Variants in NTS observed in about 807,000 individuals in gnomAD.
The protein encoded by NTS is neurotensin, also known as neurotensin/neuromedin N.
NTS carries 20 observed loss-of-function variants against 19.5 expected under a neutral mutation model. That is an observed-to-expected ratio of 1.02 (90% confidence interval 0.72 to 1.49). The LOEUF (loss-of-function observed/expected upper bound fraction) is 1.49. NTS is among the 40% of genes most tolerant of loss of function. The pLI is 0.00. For synonymous variants in NTS, 71 were observed against 63.3 expected (o/e 1.12, Z -0.58); for missense variants, 215 against 193.1 (o/e 1.11, Z -0.67).
rs779179865 is a variant in NTS, at chr12:85,878,358, A to T, written c.149A>T (p.His50Leu). ...NMHTSKISKA[H>L]VPSWKMTLLN... ...AATATATTTCAGATTAGTAAAGCAC[A>T]TGTTCCCTCTTGGAAGATGACTCTG... is the stretch of plus-strand genomic sequence containing the variant. Residue 50 changes from histidine to leucine, a missense_variant, in exon 3 of 4, where the codon CAT becomes CTT. His to Leu is a moderately conservative substitution (Grantham distance 99, BLOSUM62 -3). Coordinates refer to ENST00000256010, the MANE Select transcript of NTS (RefSeq NM_006183.5). The T allele has an allele frequency of 6.9e-6, 11 of 1,603,480 alleles. No homozygotes were observed. In the East Asian group the frequency reaches 2.5e-4, roughly 36 times the overall value.
In NTS at chr12:85,879,463, G is replaced by A. The variant is rs185263198; in HGVS notation, c.360+894G>A. Among the ~76,000 whole-genome samples, 4 of 29,102 alleles carry A rather than the reference G, an allele frequency of 1.4e-4. 1 individual carries two copies. In the East Asian group the frequency reaches 2.3e-3, roughly 16 times the overall value. The allele number at this position is 29,102 out of a possible 152,430, so 19.1% of individuals were successfully genotyped here. ...AAAATATATTTTATGTATATTTTATGTATATTTTATGTATATTTTATGTAT... is the reference window on the plus strand; with the variant it reads ...AAAATATATTTTATGTATATTTTATATATATTTTATGTATATTTTATGTAT... On this transcript the variant is annotated intron_variant, in intron 3 of 3. Coordinates refer to ENST00000256010, the MANE Select transcript of NTS (RefSeq NM_006183.5).
chr12:85,875,968 A>T (rs1881331852), intron 1 of NTS, among the ~76,000 whole-genome samples: 1 of 151,950 alleles, frequency 6.6e-6, no homozygotes, highest in South Asian at 2.1e-4. Context: ...ACTTGGATAG[A>T]GTTTTTTAAA....
intron 3 of NTS, among the ~76,000 whole-genome samples, chr12:85,881,319 C>T (rs1018249805): frequency 3.0e-4 from 46 of 152,062 alleles, no homozygotes; most frequent in African/African-American, 1.0e-3. Flanking sequence ...ACTTAGTCCC[C>T]TATCAGTATT....
intron 1 of NTS, among the ~76,000 whole-genome samples, chr12:85,875,038 T>C (rs1881308669): frequency 2.0e-5 from 3 of 152,342 alleles, no homozygotes; most frequent in Middle Eastern, 6.8e-3. Flanking sequence ...CAGATCCTTT[T>C]TGAGAACAGA....
rs114287553 is a variant in NTS at position 85,877,272 on chromosome 12, G to A, written c.135+571G>A. 2.0e-3 allele frequency among the ~76,000 whole-genome samples: 310 copies of A among 152,110 alleles called. 2 individuals are homozygous for A. Among genetic ancestry groups the A allele is most frequent in the African/African-American group, 6.9e-3 (287 of 41,524 alleles). On this transcript the variant is annotated intron_variant, in intron 2 of 3. Coordinates refer to ENST00000256010, the MANE Select transcript of NTS (RefSeq NM_006183.5). ...CTGTGTTTCCTTGTTTTTAAATGCAGGGATTGCAGTTCGTAATCTTCTAGA... is the reference window on the plus strand; with the variant it reads ...CTGTGTTTCCTTGTTTTTAAATGCAAGGATTGCAGTTCGTAATCTTCTAGA...
At position 85,878,351 on chromosome 12, in the gene NTS, A is replaced by G; in HGVS notation, c.142A>G (p.Lys48Glu). The G allele has an allele frequency of 6.3e-7, 1 of 1,592,282 alleles. No homozygotes were observed. Among genetic ancestry groups the G allele is most frequent in the Non-Finnish European group, 8.6e-7 (1 of 1,169,120 alleles). ...LTNMHTSKIS[K>E]AHVPSWKMTL... ...TTTTTTTAATATATTTCAGATTAGTAAAGCACATGTTCCCTCTTGGAAGAT... is the reference window on the plus strand; with the variant it reads ...TTTTTTTAATATATTTCAGATTAGTGAAGCACATGTTCCCTCTTGGAAGAT... Residue 48 changes from lysine to glutamate, a missense_variant, in exon 3 of 4, where the codon AAA (lysine) becomes GAA (glutamate). Coordinates refer to ENST00000256010, the MANE Select transcript of NTS (RefSeq NM_006183.5).
chr12:85,877,294 T>G (rs544631437), intron 2 of NTS, among the ~76,000 whole-genome samples: 1 of 152,254 alleles, frequency 6.6e-6, no homozygotes, highest in Admixed American at 6.5e-5. Context: ...CGTAATCTTC[T>G]AGACATTTAC....
rs1176389593 is a variant in NTS at position 85,876,679 on chromosome 12, T to C, written c.113T>C (p.Leu38Ser). The C allele has an allele frequency of 6.3e-7, 1 of 1,590,522 alleles. No homozygotes were observed. Among genetic ancestry groups the C allele is most frequent in the Admixed American group, 1.7e-5 (1 of 58,478 alleles). Reference sequence around the variant, plus strand: ...ATGAAAGCATTAGAAGCAGATTTCTTGACCAATATGCATACATCAAAGGTA... The same window carrying C: ...ATGAAAGCATTAGAAGCAGATTTCTCGACCAATATGCATACATCAAAGGTA... ...EEMKALEADF[L>S]TNMHTSKISK... Residue 38 changes from leucine to serine, a missense_variant, in exon 2 of 4, where the codon TTG becomes TCG. Transcript: ENST00000256010.
rs1881398953 is a variant in NTS at position 85,878,529 on chromosome 12, T to C, written c.320T>C (p.Leu107Pro). Residue 107 changes from leucine to proline, a missense_variant, in exon 3 of 4, where the codon CTC becomes CCC. Leu to Pro is a moderately conservative substitution (Grantham distance 98, BLOSUM62 -3). Coordinates refer to ENST00000256010, the MANE Select transcript of NTS (RefSeq NM_006183.5). ...SLEAMLTIYQLHKICHSRAFQ... is the reference protein window; with the variant it reads ...SLEAMLTIYQPHKICHSRAFQ... ...GAAGCAATGTTGACAATATACCAGC[T>C]CCACAAAATCTGTCACAGCAGGGCT... 2 of 1,613,072 alleles carry C rather than the reference T, an allele frequency of 1.2e-6. No homozygotes were observed. The highest frequency in any genetic ancestry group is 8.5e-7 in the Non-Finnish European group (1 of 1,179,514).
intron 1 of NTS, among the ~76,000 whole-genome samples, chr12:85,874,827 A>C (rs1333664992): frequency 5.9e-5 from 9 of 152,174 alleles, no homozygotes; most frequent in Admixed American, 5.9e-4. Flanking sequence ...CAAACCCATC[A>C]TTAAATCCCA....
At chr12:85,879,759 A>G (rs190884463) in intron 3 of NTS, among the ~76,000 whole-genome samples, 1 of 122,774 alleles carries the variant, frequency 8.1e-6, no homozygotes, top group Non-Finnish European at 1.8e-5. Context: ...TTTTTTGTAT[A>G]TTTTTGTATA....
rs1264824921 is a variant in NTS at position 85,882,206 on chromosome 12, TTATCTC to T, written c.361-11_361-6del. On this transcript the variant is annotated splice_polypyrimidine_tract_variant and intron_variant, in intron 3 of 3. Coordinates refer to ENST00000256010, the MANE Select transcript of NTS (RefSeq NM_006183.5). ...TTTATTCATGTAAGTTTCACTTATT[TTATCTC>T]TATCTTGCAGTTAATCCAGGAAGAT... 3 of 1,560,004 alleles carry T rather than the reference TTATCTC, an allele frequency of 1.9e-6. No homozygotes were observed. The South Asian group carries it at 3.5e-5, about 18-fold the overall frequency.
In NTS at chr12:85,878,479, T is replaced by TTAG. The variant is rs754922615; in HGVS notation, c.270_271insTAG (p.Pro90_Thr91insTer). Reference sequence around the variant, plus strand: ...AGCTTGTTGCAAGAAGGAAACTTCCTACTGCTTTAGATGGCTTTAGCTTGG... The same window carrying TTAG: ...AGCTTGTTGCAAGAAGGAAACTTCCTTAGACTGCTTTAGATGGCTTTAGCTTGG... On this transcript the variant is annotated stop_gained and inframe_insertion, in exon 3 of 4. Coordinates refer to ENST00000256010, the MANE Select transcript of NTS (RefSeq NM_006183.5). LOFTEE classifies it high-confidence loss of function. The TTAG allele has an allele frequency of 1.9e-6, 3 of 1,613,984 alleles. No homozygotes were observed. The South Asian group carries it at 3.3e-5, about 18-fold the overall frequency.
At chr12:85,876,163 A>G (rs1881338147) in intron 1 of NTS, among the ~76,000 whole-genome samples, 1 of 152,064 alleles carries the variant, frequency 6.6e-6, no homozygotes, top group African/African-American at 2.4e-5. Context: ...AGTAAACCTC[A>G]GTATCTTTAT....
chr12:85,880,245 T>A (rs565338229), intron 3 of NTS, among the ~76,000 whole-genome samples: 103 of 152,180 alleles, frequency 6.8e-4, no homozygotes, highest in African/African-American at 2.3e-3. Flanking sequence ...CAATGATATA[T>A]TTTGCTCTGA....
chr12:85,882,244 G>A lies in NTS; in HGVS notation c.382G>A (p.Asp128Asn). 6.3e-7 allele frequency: 1 copy of A among 1,599,328 alleles called. No homozygotes were observed. The highest frequency in any genetic ancestry group is 1.4e-5 in the African/African-American group (1 of 74,042). The change falls in exon 4 of 4, where the codon GAT (aspartate) becomes AAT (asparagine). Residue 128 changes from aspartate (D) to asparagine (N), a missense_variant. Coordinates refer to ENST00000256010, the MANE Select transcript of NTS (RefSeq NM_006183.5). ...GCAGTTAATCCAGGAAGATATTCTTGATACTGGAAATGACAAAAATGGAAA... is the reference window on the plus strand; with the variant it reads ...GCAGTTAATCCAGGAAGATATTCTTAATACTGGAAATGACAAAAATGGAAA... ...HWELIQEDIL[D>N]TGNDKNGKEE... is the part of the protein sequence containing the mutation.
At chr12:85,875,858 G>A (rs1393629244) in intron 1 of NTS, among the ~76,000 whole-genome samples, 1 of 151,932 alleles carries the variant, frequency 6.6e-6, no homozygotes, top group Non-Finnish European at 1.5e-5. Context: ...TTTTTACTGA[G>A]TGTGTAGTAC....
rs747503140 is a variant in NTS at position 85,882,104 on chromosome 12, G to A, written c.361-119G>A. 226 of 726,580 alleles carry A rather than the reference G, an allele frequency of 3.1e-4. 4 individuals are homozygous for A. The highest frequency in any genetic ancestry group is 1.8e-3 in the South Asian group (100 of 55,016). 45.0% of individuals were successfully genotyped at this position (726,580 alleles called of 1,614,324 possible). A position where few individuals can be genotyped will look rare whatever the true frequency, so the allele number is the denominator to read the frequency against. On this transcript the variant is annotated intron_variant, in intron 3 of 3. Transcript: ENST00000256010. ...AATTTCTTTGAACTTCATGTATCTC[G>A]TATCTCACCTACATATGTCTTGCTG...
In NTS at chr12:85,882,483, C is replaced by T. The variant is rs1881523869; in HGVS notation, c.*108C>T. 4.5e-6 allele frequency: 4 copies of T among 894,430 alleles called. No individual in the cohort carries two copies. Among genetic ancestry groups the T allele is most frequent in the Non-Finnish European group, 6.8e-6 (4 of 592,576 alleles). The allele number at this position is 894,430 out of a possible 1,614,324, so 55.4% of individuals were successfully genotyped here. A position where few individuals can be genotyped will look rare whatever the true frequency, so the allele number is the denominator to read the frequency against. On this transcript the variant is annotated 3_prime_UTR_variant, in exon 4 of 4. Transcript: ENST00000256010. ...CAAACACACTTATCTGTCTCTTCTA[C>T]AATTGTGGTTTATTGAATGTGATTT... is the stretch of plus-strand genomic sequence containing the variant.
Sources: allele counts gnomAD v4.1 joint callset (sites outside exome capture counted in the v4.1 genomes callset), GRCh38; gene constraint gnomAD v4.1.1; transcripts MANE v1.5; gene names NCBI Gene and HGNC (gene_info 2026-07-23, HGNC 2026-07-21).